The following CADM2 variants were observed in gnomAD, a reference collection of about 807,000 sequenced individuals.
CADM2 encodes immunoglobulin superfamily member 4D.
Under a neutral mutation model 49.8 loss-of-function variants are expected in CADM2, and 12 were observed. The observed-to-expected ratio is 0.24, with a 90% CI of 0.15 to 0.39. CADM2 has a LOEUF of 0.39. CADM2 is among the 10% of genes least tolerant of loss of function. The pLI is 1.00. For synonymous variants in CADM2, 214 were observed against 175.4 expected, an observed-to-expected ratio of 1.22 and a Z score of -1.74; for missense variants, 378 against 492.3, an observed-to-expected ratio of 0.77 and a Z score of 2.20.
intron 1 of CADM2, among the ~76,000 whole-genome samples, chr3:85,456,833 CTTT>C (rs35918238): frequency 7.6e-6 from 1 of 132,392 alleles, no homozygotes; most frequent in African/African-American, 2.7e-5. Flanking sequence ...GTGTTTTTTT[CTTT>C]TTTTTTTTTT....
chr3:85,251,308 AC>A (rs1184947799), intron 1 of CADM2, among the ~76,000 whole-genome samples: 2 of 151,876 alleles, frequency 1.3e-5, no homozygotes, highest in Non-Finnish European at 2.9e-5. Flanking sequence ...TCACTGGTGG[AC>A]CACCCAAATT....
intron 1 of CADM2, among the ~76,000 whole-genome samples, chr3:85,359,666 A>ATATATATATATATATATATTTTTTTT: frequency 1.0e-3 from 27 of 26,532 alleles, no homozygotes; most frequent in East Asian, 4.0e-3. Flanking sequence ...ATATATATAT[A>ATATATATATATATATATATTTTTTTT]TTTTTTTTTT....
chr3:85,221,060 G>A (rs749927389), intron 1 of CADM2, among the ~76,000 whole-genome samples: 10 of 152,128 alleles, frequency 6.6e-5, no homozygotes, highest in Non-Finnish European at 1.2e-4. Flanking sequence ...GTAAAGAATC[G>A]GATGAGGAAA....
chr3:85,351,124 A>G (rs1485942920), intron 1 of CADM2, among the ~76,000 whole-genome samples: 1 of 152,142 alleles, frequency 6.6e-6, no homozygotes, highest in African/African-American at 2.4e-5. Context: ...TATATGCATG[A>G]AATCTGTTGA....
chr3:85,018,825 A>G (rs1356133481), intron 1 of CADM2, among the ~76,000 whole-genome samples: 1 of 152,144 alleles, frequency 6.6e-6, no homozygotes, highest in Non-Finnish European at 1.5e-5. Context: ...TGATATAACA[A>G]ACAACTCCAA....
chr3:85,541,746 T>TTTTATATA (rs1559897562), intron 1 of CADM2, among the ~76,000 whole-genome samples: 1 of 27,774 alleles, frequency 3.6e-5, no homozygotes, highest in Non-Finnish European at 1.2e-4. Flanking sequence ...TATATATATT[T>TTTTATATA]TATATATTTT....
chr3:86,059,016 C>T (rs1443956211), intron 8 of CADM2, among the ~76,000 whole-genome samples: 1 of 151,246 alleles, frequency 6.6e-6, no homozygotes, highest in African/African-American at 2.4e-5. Flanking sequence ...ATAGCTTGAA[C>T]CCAGGAGGCG....
At chr3:85,464,223 C>T (rs1005498362) in intron 1 of CADM2, among the ~76,000 whole-genome samples, 13 of 151,938 alleles carry the variant, frequency 8.6e-5, no homozygotes, top group African/African-American at 2.2e-4. Context: ...TAGATGGACT[C>T]GAAATATGAT....
chr3:85,863,512 G>A (rs780013905), intron 3 of CADM2, among the ~76,000 whole-genome samples: 3 of 152,142 alleles, frequency 2.0e-5, no homozygotes, highest in Non-Finnish European at 4.4e-5. Flanking sequence ...GTTAATTACT[G>A]CAGGAGTTTG....
intron 2 of CADM2, among the ~76,000 whole-genome samples, chr3:85,791,181 A>C (rs375925933): frequency 4.6e-5 from 7 of 152,086 alleles, no homozygotes; most frequent in Middle Eastern, 3.2e-3. Context: ...TTTTCCTCTA[A>C]TTTCCTATCT....
At chr3:85,496,826 C>T (rs2039923337) in intron 1 of CADM2, among the ~76,000 whole-genome samples, 1 of 151,856 alleles carries the variant, frequency 6.6e-6, no homozygotes, top group Admixed American at 6.6e-5. Flanking sequence ...TGTTGTTGAC[C>T]ACTTGTATGT....
chr3:85,745,694 C>G (rs1292106779), intron 2 of CADM2, among the ~76,000 whole-genome samples: 2 of 152,050 alleles, frequency 1.3e-5, no homozygotes, highest in East Asian at 3.9e-4. Flanking sequence ...TGCGATACCC[C>G]ATCTCTACAA....
intron 1 of CADM2, among the ~76,000 whole-genome samples, chr3:85,659,000 T>C (rs1367114921): frequency 6.6e-6 from 1 of 150,750 alleles, no homozygotes; most frequent in Non-Finnish European, 1.5e-5. Context: ...TTCAGTGAAC[T>C]ATAAATGCAC....
At chr3:85,559,396 TAGTC>T (rs1304438486) in intron 1 of CADM2, among the ~76,000 whole-genome samples, 42 of 152,086 alleles carry the variant, frequency 2.8e-4, no homozygotes, top group Non-Finnish European at 3.2e-4. Context: ...TTAATGGAAA[TAGTC>T]AGGCTAGCTT....
At chr3:85,510,953 T>A (rs1482479145) in intron 1 of CADM2, among the ~76,000 whole-genome samples, 1 of 152,112 alleles carries the variant, frequency 6.6e-6, no homozygotes, top group Non-Finnish European at 1.5e-5. Context: ...AACATAGATT[T>A]CCAAGGGTTA....
Position 85,381,590 on chromosome 3 carries a change from ATT to A in CADM2, c.62-344922_62-344921del, listed in dbSNP as rs60898880. Among the ~76,000 whole-genome samples the A allele has an allele frequency of 3.6e-4, 53 of 147,918 alleles. 1 individual carries two copies. Among genetic ancestry groups the A allele is most frequent in the Middle Eastern group, 3.5e-3 (1 of 284 alleles). On this transcript the variant is annotated intron_variant, in intron 1 of 9. Coordinates refer to ENST00000383699, the MANE Select transcript of CADM2 (RefSeq NM_001167675.2). The stretch of plus-strand genomic sequence containing the variant: ...AGGTTCTAATATGTAGCCATTCCTT[ATT>A]TTTTTTTTTATTAAAAGCCACATAG...
intron 1 of CADM2, among the ~76,000 whole-genome samples, chr3:85,141,796 G>A (rs2220244): frequency 5.9e-4 from 90 of 151,908 alleles, no homozygotes; most frequent in Non-Finnish European, 6.5e-4. Context: ...TCACATCTCA[G>A]TATAACTACT....
Position 85,343,452 on chromosome 3 carries a change from C to A in CADM2, c.62-383070C>A, listed in dbSNP as rs148982134. Among the ~76,000 whole-genome samples the A allele has an allele frequency of 5.4e-3, 828 of 152,206 alleles. 5 individuals carry two copies. The highest frequency in any genetic ancestry group is 0.019 in the African/African-American group (783 of 41,522). ...TCTAGGATTTTCCCCTCAAGTTTAT[C>A]ACTGAATACCATACTTTACAGCATT... On this transcript the variant is annotated intron_variant, in intron 1 of 9. Coordinates refer to ENST00000383699, the MANE Select transcript of CADM2 (RefSeq NM_001167675.2).
At chr3:85,598,855 G>GTGTA (rs1553747921) in intron 1 of CADM2, among the ~76,000 whole-genome samples, 10 of 46,254 alleles carry the variant, frequency 2.2e-4, no homozygotes, top group African/African-American at 3.5e-4. Context: ...GTGTGTGTGT[G>GTGTA]TATATATATA....
Sources: gnomAD v4.1 joint callset for allele counts (sites outside exome capture counted in the v4.1 genomes callset) on GRCh38, gnomAD v4.1.1 for gene constraint, MANE v1.5 for transcripts, NCBI Gene and HGNC (gene_info 2026-07-23, HGNC 2026-07-21) for gene names.